Variants in BTBD16 observed in about 807,000 individuals in gnomAD.
BTBD16 encodes the protein BTB domain containing 16.
In BTBD16, 66 loss-of-function variants were observed where a neutral mutation model predicts 67.4. That is an observed-to-expected ratio of 0.98 (90% CI 0.80 to 1.20). The LOEUF (loss-of-function observed/expected upper bound fraction) is 1.20, where lower values mean the gene tolerates loss of function less well. BTBD16 is among the 50% of genes most tolerant of loss of function. The pLI is 0.00. For synonymous variants in BTBD16, 242 were observed against 236.4 expected (o/e 1.02, Z -0.22); for missense variants, 634 against 616.0 (o/e 1.03, Z -0.31).
At chr10:122,301,414 C>T (rs1276114657) in intron 9 of BTBD16, among the ~76,000 whole-genome samples, 1 of 152,114 alleles carries the variant, frequency 6.6e-6, no homozygotes, top group East Asian at 1.9e-4. Context: ...ATGGGTCCTG[C>T]TCCTCCGGCC....
chr10:122,336,669 C>T lies in BTBD16; in HGVS notation c.1439C>T (p.Ser480Phe), dbSNP rs1417244505. Residue 480 changes from serine (S) to phenylalanine (F), a missense_variant, in exon 15 of 16, where the codon TCC becomes TTC. Physicochemically the swap from Ser to Phe is radical, Grantham distance 155. Coordinates refer to ENST00000260723, the MANE Select transcript of BTBD16 (RefSeq NM_144587.5). ...IKQKFGLTTS[S>F]CKSHTLKIQT... ...CAGAAGTTTGGGTTGACCACGTCAT[C>T]CTGCAAAAGCCATGCAAGTGTTCAC... is the stretch of plus-strand genomic sequence containing the variant. 2 of 1,583,042 alleles carry T rather than the reference C, an allele frequency of 1.3e-6. No individual in the cohort carries two copies. The highest frequency in any genetic ancestry group is 4.0e-5 in the Admixed American group (2 of 49,864).
intron 10 of BTBD16, among the ~76,000 whole-genome samples, chr10:122,312,092 T>A (rs1160606696): frequency 6.6e-6 from 1 of 152,212 alleles, no homozygotes. Flanking sequence ...TGTCTTGTGG[T>A]ACACATAATT....
chr10:122,298,657 G>A, intron 8 of BTBD16, among the ~76,000 whole-genome samples: 1 of 152,120 alleles, frequency 6.6e-6, no homozygotes, highest in South Asian at 2.1e-4. Flanking sequence ...AAAGCCTATG[G>A]TCAGGTTGCC....
At chr10:122,313,989 T>C (rs928956683) in intron 10 of BTBD16, among the ~76,000 whole-genome samples, 9 of 152,218 alleles carry the variant, frequency 5.9e-5, no homozygotes, top group African/African-American at 2.2e-4. Context: ...GAATAAGACA[T>C]CCCCCAATTT....
chr10:122,292,055 AAC>A (rs1412233710), intron 7 of BTBD16, among the ~76,000 whole-genome samples: 1 of 152,172 alleles, frequency 6.6e-6, no homozygotes, highest in Non-Finnish European at 1.5e-5. Flanking sequence ...CAGCCGAGGA[AAC>A]ACACCCTGGA....
intron 15 of BTBD16, among the ~76,000 whole-genome samples, chr10:122,337,616 C>T (rs75473645): frequency 0.035 from 5,391 of 152,250 alleles, 326 homozygotes; most frequent in African/African-American, 0.12. Flanking sequence ...AGGAGCCTGA[C>T]ACCACACCCG....
chr10:122,311,089 A>G (rs1322076447), intron 10 of BTBD16, among the ~76,000 whole-genome samples: 2 of 152,148 alleles, frequency 1.3e-5, no homozygotes, highest in Non-Finnish European at 2.9e-5. Flanking sequence ...CGTCCAAGCC[A>G]TTTCTACTCT....
chr10:122,291,030 C>A, intron 6 of BTBD16, 50 bp from the exon 7 acceptor site: 1 of 1,550,034 alleles, frequency 6.5e-7, no homozygotes, highest in Non-Finnish European at 8.7e-7. Flanking sequence ...TGGGTGGTGT[C>A]CTGTGTGCAG....
intron 10 of BTBD16, among the ~76,000 whole-genome samples, chr10:122,307,580 C>T (rs566076812): frequency 1.2e-4 from 18 of 152,012 alleles, no homozygotes; most frequent in African/African-American, 4.3e-4. Flanking sequence ...GCAAAAGGTA[C>T]TCCTCTCTTC....
intron 1 of BTBD16, among the ~76,000 whole-genome samples, chr10:122,271,836 A>T (rs1421570628): frequency 2.0e-5 from 3 of 152,148 alleles, no homozygotes; most frequent in Non-Finnish European, 4.4e-5. Context: ...GTTCTTAGAT[A>T]TTGATCTAAG....
In BTBD16 at chr10:122,299,071, G is replaced by T. The variant is rs1056961575; in HGVS notation, c.728G>T (p.Gly243Val). Residue 243 changes from glycine to valine, a missense_variant, in exon 9 of 16, where the codon GGG (glycine) becomes GTG (valine). Transcript: ENST00000260723. ...GAAATGAACTTGGTTCCTCTAGGGG[G>T]GACGCAGATCCACCTCCACAAAATC... Reference protein sequence around the residue: ...WLEMNLVPLGGTQIHLHKIPQ... With the variant: ...WLEMNLVPLGVTQIHLHKIPQ... The T allele has an allele frequency of 1.2e-6, 2 of 1,614,054 alleles. No homozygotes were observed. Among genetic ancestry groups the T allele is most frequent in the Non-Finnish European group, 1.7e-6 (2 of 1,179,996 alleles).
intron 10 of BTBD16, among the ~76,000 whole-genome samples, chr10:122,325,700 G>C (rs1461304646): frequency 6.6e-6 from 1 of 151,486 alleles, no homozygotes; most frequent in East Asian, 1.9e-4. Flanking sequence ...TTTTGAGATG[G>C]AGTCTCGCTG....
chr10:122,331,055 A>T lies in BTBD16; in HGVS notation c.1004-121A>T, dbSNP rs115826311. ...CTTTGTCAATCAAACCTTAAAGGAGACCATCCACCCCTTTCCCTTCCCTCA... is the reference window on the plus strand; with the variant it reads ...CTTTGTCAATCAAACCTTAAAGGAGTCCATCCACCCCTTTCCCTTCCCTCA... On this transcript the variant is annotated intron_variant, in intron 11 of 15. Coordinates refer to ENST00000260723, the MANE Select transcript of BTBD16 (RefSeq NM_144587.5). 1,099 of 1,310,770 alleles carry T rather than the reference A, an allele frequency of 8.4e-4. 6 individuals are homozygous for T. In the African/African-American group the frequency reaches 0.015, roughly 17 times the overall value. 81.2% of individuals were successfully genotyped at this position (1,310,770 alleles called of 1,614,324 possible).
intron 10 of BTBD16, 24 bp from the exon 11 acceptor site, chr10:122,329,456 A>T: frequency 6.2e-7 from 1 of 1,611,486 alleles, no homozygotes; most frequent in Non-Finnish European, 8.5e-7. Context: ...AAGGTCTGTT[A>T]TTCTTCTTTA....
intron 3 of BTBD16, among the ~76,000 whole-genome samples, chr10:122,277,902 T>C (rs2096344344): frequency 6.6e-6 from 1 of 152,210 alleles, no homozygotes; most frequent in Non-Finnish European, 1.5e-5. Context: ...GCCATGGACC[T>C]GGCTTGATGC....
rs879478833 is a variant in BTBD16 at position 122,307,630 on chromosome 10, TA to T, written c.911+333del. Among the ~76,000 whole-genome samples the T allele has an allele frequency of 6.0e-3, 886 of 147,542 alleles. 3 individuals are homozygous for T. Among genetic ancestry groups the T allele is most frequent in the East Asian group, 0.014 (71 of 5,096 alleles). ...ACTACCCTGGCCTTTAAAACTTCAT[TA>T]AAAAAAAAAATCAGCTTTCTTAGGT... On this transcript the variant is annotated intron_variant, in intron 10 of 15. Coordinates refer to ENST00000260723, the MANE Select transcript of BTBD16 (RefSeq NM_144587.5).
chr10:122,287,362 G>T, intron 5 of BTBD16: 1 of 900,244 alleles, frequency 1.1e-6, no homozygotes, highest in Non-Finnish European at 1.3e-6. Flanking sequence ...AGTGGAAATG[G>T]AGTCATTAAC....
intron 10 of BTBD16, among the ~76,000 whole-genome samples, chr10:122,313,226 T>A (rs2096417300): frequency 6.6e-6 from 1 of 151,050 alleles, no homozygotes; most frequent in South Asian, 2.1e-4. Context: ...GGCATTATAA[T>A]CTATCAAGCC....
intron 10 of BTBD16, among the ~76,000 whole-genome samples, chr10:122,311,013 C>T (rs538315830): frequency 1.2e-4 from 13 of 105,798 alleles, no homozygotes; most frequent in Middle Eastern, 4.9e-3. Flanking sequence ...GGAAGACAGG[C>T]TAGGAGGGAA....
Sources: allele counts gnomAD v4.1 joint callset (sites outside exome capture counted in the v4.1 genomes callset), GRCh38; gene constraint gnomAD v4.1.1; transcripts MANE v1.5; gene names NCBI Gene and HGNC (gene_info 2026-07-23, HGNC 2026-07-21).